The following MYO1B variants were observed in gnomAD, a reference collection of about 807,000 sequenced individuals.
The protein encoded by MYO1B is myosin IB.
MYO1B carries 72 observed loss-of-function variants against 159.7 expected under a neutral mutation model. That is an observed-to-expected ratio of 0.45 (90% CI 0.37 to 0.55). The LOEUF (loss-of-function observed/expected upper bound fraction) is 0.55, where lower values mean the gene tolerates loss of function less well. MYO1B is among the 20% of genes least tolerant of loss of function. The pLI is 0.00. For synonymous variants in MYO1B, 468 were observed against 473.8 expected, an observed-to-expected ratio of 0.99 and a Z score of 0.16; for missense variants, 1,062 against 1,364.8, an observed-to-expected ratio of 0.78 and a Z score of 3.50.
chr2:191,361,713 G>C (rs1004644591), intron 8 of MYO1B, among the ~76,000 whole-genome samples: 2 of 152,042 alleles, frequency 1.3e-5, no homozygotes, highest in South Asian at 4.2e-4. Flanking sequence ...GGAGCTTGTG[G>C]TATACCCATC....
chr2:191,316,759 C>T (rs768018616), intron 3 of MYO1B, among the ~76,000 whole-genome samples: 14 of 152,172 alleles, frequency 9.2e-5, no homozygotes, highest in Non-Finnish European at 1.5e-4. Context: ...CCTCTGGCAT[C>T]ATCCTAGGAC....
At chr2:191,306,325 C>G (rs1027804988) in intron 3 of MYO1B, among the ~76,000 whole-genome samples, 1 of 152,060 alleles carries the variant, frequency 6.6e-6, no homozygotes, top group South Asian at 2.1e-4. Context: ...GGAGACAGAC[C>G]GAGCTAGAAC....
intron 18 of MYO1B, among the ~76,000 whole-genome samples, chr2:191,390,720 C>G (rs935112734): frequency 3.3e-5 from 5 of 151,980 alleles, no homozygotes; most frequent in Admixed American, 3.3e-4. Flanking sequence ...TAGAATATGC[C>G]CAAGGTAGGT....
intron 4 of MYO1B, among the ~76,000 whole-genome samples, chr2:191,339,029 A>G (rs530902670): frequency 6.6e-6 from 1 of 152,320 alleles, no homozygotes; most frequent in East Asian, 1.9e-4. Flanking sequence ...GTGAGAGTTC[A>G]GGTGGGGATG....
intron 2 of MYO1B, among the ~76,000 whole-genome samples, chr2:191,279,370 GTTTGTATATA>G (rs1175230676): frequency 6.7e-6 from 1 of 148,806 alleles, no homozygotes; most frequent in Non-Finnish European, 1.5e-5. Context: ...ATGTACATAT[GTTTGTATATA>G]TTTGTATGTA....
chr2:191,402,803 C>A, intron 24 of MYO1B, 85 bp downstream of exon 24: 1 of 1,050,778 alleles, frequency 9.5e-7, no homozygotes, highest in Non-Finnish European at 1.4e-6. Context: ...ATTGATTATG[C>A]TTGCTGATGG....
At chr2:191,262,151 A>G (rs1686850972) in intron 1 of MYO1B, among the ~76,000 whole-genome samples, 1 of 151,996 alleles carries the variant, frequency 6.6e-6, no homozygotes, top group African/African-American at 2.4e-5. Context: ...TTGTTCCTCA[A>G]CTACTAGATT....
intron 6 of MYO1B, among the ~76,000 whole-genome samples, chr2:191,347,949 A>G (rs1692672127): frequency 6.6e-6 from 1 of 152,158 alleles, no homozygotes; most frequent in African/African-American, 2.4e-5. Context: ...AGACCCTGCT[A>G]TGTTGTAGTT....
intron 8 of MYO1B, among the ~76,000 whole-genome samples, chr2:191,361,363 G>A (rs1157803311): frequency 6.6e-6 from 1 of 152,142 alleles, no homozygotes; most frequent in African/African-American, 2.4e-5. Context: ...ACATTTTGCA[G>A]TTGATACAAG....
chr2:191,373,341 G>A (rs548628185), intron 13 of MYO1B, among the ~76,000 whole-genome samples: 19 of 152,270 alleles, frequency 1.2e-4, no homozygotes, highest in African/African-American at 4.6e-4. Flanking sequence ...TTAAAGCTCT[G>A]AGGTGATTCC....
At chr2:191,327,317 C>G (rs192101096) in intron 3 of MYO1B, among the ~76,000 whole-genome samples, 264 of 152,314 alleles carry the variant, frequency 1.7e-3, no homozygotes, top group African/African-American at 5.8e-3. Flanking sequence ...TAGAAAGGCT[C>G]TGCCCTAGAG....
intron 4 of MYO1B, among the ~76,000 whole-genome samples, chr2:191,333,149 G>C (rs1192675927): frequency 1.3e-5 from 2 of 152,138 alleles, no homozygotes; most frequent in African/African-American, 2.4e-5. Flanking sequence ...GCTTAGTTCT[G>C]GGTATCTTTA....
At chr2:191,403,639 C>G (rs1696743558) in intron 24 of MYO1B, among the ~76,000 whole-genome samples, 1 of 152,138 alleles carries the variant, frequency 6.6e-6, no homozygotes, top group African/African-American at 2.4e-5. Context: ...ATCCCTGAAT[C>G]CTGCTTTGAA....
At chr2:191,258,414 TGAA>T (rs1283880322) in intron 1 of MYO1B, among the ~76,000 whole-genome samples, 1 of 152,168 alleles carries the variant, frequency 6.6e-6, no homozygotes, top group Admixed American at 6.5e-5. Context: ...GAGTGATGGG[TGAA>T]TGTGAGGGCC....
At chr2:191,365,863 C>T (rs1478907912) in intron 11 of MYO1B, among the ~76,000 whole-genome samples, 1 of 152,194 alleles carries the variant, frequency 6.6e-6, no homozygotes, top group Non-Finnish European at 1.5e-5. Context: ...AAGGTGAAGT[C>T]TGCAGTCAGA....
intron 3 of MYO1B, among the ~76,000 whole-genome samples, chr2:191,303,673 A>T (rs1574382527): frequency 6.6e-6 from 1 of 151,748 alleles, no homozygotes; most frequent in Non-Finnish European, 1.5e-5. Context: ...GAAGGGAAAA[A>T]GGGAAGAGCA....
intron 7 of MYO1B, among the ~76,000 whole-genome samples, chr2:191,358,263 G>C (rs1440456975): frequency 6.6e-6 from 1 of 152,258 alleles, no homozygotes; most frequent in East Asian, 1.9e-4. Context: ...AAGGTGTTCA[G>C]GGTTGAATAT....
In MYO1B at chr2:191,401,146, T is replaced by C. The variant is rs1317507417; in HGVS notation, c.2469+311T>C. On this transcript the variant is annotated intron_variant, in intron 23 of 30. Coordinates refer to ENST00000392318, the MANE Select transcript of MYO1B (RefSeq NM_001130158.3). ...GTTCCCCCCCGCCCCCATTGATGAA[T>C]GCTAGCAGTTTTTTAGAGGTTTTCT... 2.7e-5 allele frequency among the ~76,000 whole-genome samples: 4 copies of C among 149,474 alleles called. No individual in the cohort carries two copies. In the South Asian group the frequency reaches 6.7e-4, roughly 25 times the overall value.
intron 17 of MYO1B, among the ~76,000 whole-genome samples, chr2:191,389,664 A>G (rs1374710433): frequency 6.6e-6 from 1 of 152,260 alleles, no homozygotes; most frequent in Non-Finnish European, 1.5e-5. Context: ...AGGTTGGGAA[A>G]TAAAGTTTTT....
Sources: gnomAD v4.1 joint callset for allele counts (sites outside exome capture counted in the v4.1 genomes callset) on GRCh38, gnomAD v4.1.1 for gene constraint, MANE v1.5 for transcripts, NCBI Gene and HGNC (gene_info 2026-07-23, HGNC 2026-07-21) for gene names.